The following CWC27 variants were observed in gnomAD, a reference collection of about 807,000 sequenced individuals.
CWC27 encodes spliceosome-associated protein CWC27 homolog.
Under a neutral mutation model 63.6 loss-of-function variants are expected in CWC27, and 47 were observed. That is an observed-to-expected ratio of 0.74 (90% CI 0.58 to 0.94). The LOEUF is 0.94. CWC27 is among the 40% of genes least tolerant of loss of function. The pLI is 0.00. For synonymous variants in CWC27, 175 were observed against 179.8 expected (o/e 0.97, Z 0.22); for missense variants, 495 against 554.3 (o/e 0.89, Z 1.07).
intron 11 of CWC27, among the ~76,000 whole-genome samples, chr5:64,919,360 C>A (rs1191120847): frequency 6.6e-6 from 1 of 151,860 alleles, no homozygotes; most frequent in African/African-American, 2.4e-5. Context: ...TTTTTCTTTT[C>A]TACTTTTATT....
intron 11 of CWC27, among the ~76,000 whole-genome samples, chr5:64,903,182 C>T (rs971314171): frequency 4.6e-5 from 7 of 152,118 alleles, no homozygotes; most frequent in African/African-American, 1.7e-4. Context: ...GGGGTATATA[C>T]CCAAAGGATT....
At chr5:64,897,148 G>T (rs572322585) in intron 11 of CWC27, among the ~76,000 whole-genome samples, 1 of 152,262 alleles carries the variant, frequency 6.6e-6, no homozygotes, top group Non-Finnish European at 1.5e-5. Context: ...GGCAGAGGTT[G>T]CAATGAGCCA....
chr5:64,880,619 T>C (rs1746910859), intron 10 of CWC27, among the ~76,000 whole-genome samples: 1 of 151,962 alleles, frequency 6.6e-6, no homozygotes, highest in South Asian at 2.1e-4. Flanking sequence ...ATACTAAATG[T>C]ATAAAGCTAC....
intron 13 of CWC27, among the ~76,000 whole-genome samples, chr5:64,996,018 T>C (rs999381196): frequency 3.3e-5 from 5 of 152,180 alleles, no homozygotes; most frequent in Admixed American, 2.0e-4. Flanking sequence ...AAAGATCACA[T>C]GTGGAAAATA....
chr5:64,802,556 A>G (rs1195359713), intron 9 of CWC27, among the ~76,000 whole-genome samples: 2 of 152,146 alleles, frequency 1.3e-5, no homozygotes, highest in African/African-American at 4.8e-5. Flanking sequence ...CTGGGAAGCT[A>G]TTGTAGGAGG....
rs140745846 is a variant in CWC27 at position 64,965,464 on chromosome 5, T to G, written c.1043-6239T>G. On this transcript the variant is annotated intron_variant, in intron 11 of 13. Coordinates refer to ENST00000381070, the MANE Select transcript of CWC27 (RefSeq NM_005869.4). ...CATAGACAACATTCTAGAGTTTGGT[T>G]TCATTCTCAGTCCATCTGCTGAAAA... is the stretch of plus-strand genomic sequence containing the variant. Among the ~76,000 whole-genome samples the G allele has an allele frequency of 4.1e-3, 620 of 152,326 alleles. 2 individuals carry two copies. Among genetic ancestry groups the G allele is most frequent in the African/African-American group, 0.014 (579 of 41,566 alleles).
At chr5:64,991,288 T>C (rs1749531883) in intron 13 of CWC27, among the ~76,000 whole-genome samples, 1 of 152,102 alleles carries the variant, frequency 6.6e-6, no homozygotes, top group Admixed American at 6.5e-5. Context: ...CTGCCAGAGA[T>C]AGGAATGCAG....
chr5:64,905,602 A>G (rs1192626749), intron 11 of CWC27, among the ~76,000 whole-genome samples: 6 of 152,166 alleles, frequency 3.9e-5, no homozygotes, highest in Non-Finnish European at 5.9e-5. Flanking sequence ...TTGAGGGTGA[A>G]TGCTCAAAAT....
At chr5:64,995,574 T>C (rs925345118) in intron 13 of CWC27, among the ~76,000 whole-genome samples, 1 of 152,220 alleles carries the variant, frequency 6.6e-6, no homozygotes, top group Non-Finnish European at 1.5e-5. Context: ...ATCATGTTTT[T>C]TTTTCTAAAT....
chr5:64,812,736 G>A (rs147776757), intron 10 of CWC27, among the ~76,000 whole-genome samples: 2,847 of 152,056 alleles, frequency 0.019, 38 homozygotes, highest in Non-Finnish European at 0.023. Flanking sequence ...GAACTGGTGC[G>A]TGCCAGGAAG....
intron 10 of CWC27, chr5:64,807,952 C>G (rs1744746535): frequency 7.0e-7 from 1 of 1,424,918 alleles, no homozygotes; most frequent in Non-Finnish European, 9.1e-7. Context: ...TACCACTCCA[C>G]TGAAACTACT....
chr5:64,961,665 C>G (rs73109582), intron 11 of CWC27, among the ~76,000 whole-genome samples: 1,598 of 152,236 alleles, frequency 0.01, 33 homozygotes, highest in African/African-American at 0.037. Flanking sequence ...AAGAGGCACA[C>G]AGAAGACACT....
chr5:64,835,575 T>A (rs2112270785), intron 10 of CWC27, among the ~76,000 whole-genome samples: 1 of 151,998 alleles, frequency 6.6e-6, no homozygotes, highest in South Asian at 2.1e-4. Context: ...ATATAGGTAA[T>A]GTAGATTCAT....
chr5:64,920,873 C>CT (rs1417603677), intron 11 of CWC27, among the ~76,000 whole-genome samples: 2 of 151,972 alleles, frequency 1.3e-5, no homozygotes, highest in Admixed American at 1.3e-4. Flanking sequence ...ACCTAGGGGT[C>CT]TATCAATTTT....
intron 13 of CWC27, among the ~76,000 whole-genome samples, chr5:64,981,784 T>C (rs1418246133): frequency 6.6e-6 from 1 of 152,206 alleles, no homozygotes; most frequent in East Asian, 1.9e-4. Flanking sequence ...ATAAAAACAG[T>C]GTGGTTTGCT....
At chr5:64,839,438 C>A (rs765115523) in intron 10 of CWC27, among the ~76,000 whole-genome samples, 4 of 152,140 alleles carry the variant, frequency 2.6e-5, no homozygotes, top group Non-Finnish European at 5.9e-5. Context: ...GAATAGTTGA[C>A]TTTTGTGAAC....
At chr5:64,779,333 C>T (rs936944474) in intron 2 of CWC27, among the ~76,000 whole-genome samples, 2 of 152,200 alleles carry the variant, frequency 1.3e-5, no homozygotes, top group African/African-American at 4.8e-5. Flanking sequence ...ATGATTGGCT[C>T]AACCACAACC....
chr5:64,876,870 G>A (rs1433616), intron 10 of CWC27, among the ~76,000 whole-genome samples: 1 of 151,658 alleles, frequency 6.6e-6, no homozygotes, highest in Non-Finnish European at 1.5e-5. Flanking sequence ...ATCCTCAATC[G>A]CATGTTCAAA....
chr5:64,962,500 G>T (rs150005166), intron 11 of CWC27, among the ~76,000 whole-genome samples: 189 of 152,166 alleles, frequency 1.2e-3, no homozygotes, highest in African/African-American at 4.3e-3. Context: ...AGAGAGGTAG[G>T]AACTAAAAAT....
Sources: allele counts gnomAD v4.1 joint callset (sites outside exome capture counted in the v4.1 genomes callset), GRCh38; gene constraint gnomAD v4.1.1; transcripts MANE v1.5; gene names NCBI Gene and HGNC (gene_info 2026-07-23, HGNC 2026-07-21).